MYCT1: variants seen among roughly 807,000 people sequenced by gnomAD.
MYCT1 encodes MYC target 1.
In MYCT1, 12 loss-of-function variants were observed where a neutral mutation model predicts 15.0. That is an observed-to-expected ratio of 0.80 (90% CI 0.51 to 1.29). The LOEUF is 1.29. Ranked by LOEUF, MYCT1 falls within the 50% of genes most tolerant of loss-of-function variation. MYCT1 has a pLI of 0.00. For synonymous variants in MYCT1, 104 were observed against 102.7 expected, an observed-to-expected ratio of 1.01 and a Z score of -0.07; for missense variants, 287 against 279.1, an observed-to-expected ratio of 1.03 and a Z score of -0.20.
chr6:152,725,478 G>A (rs1383016059), downstream of MYCT1, among the ~76,000 whole-genome samples: 1 of 152,162 alleles, frequency 6.6e-6, no homozygotes, highest in Non-Finnish European at 1.5e-5. Flanking sequence ...TAAAGACGGT[G>A]TTTTGCCAAG....
At chr6:152,720,605 G>C (rs562630683) in intron 1 of MYCT1, among the ~76,000 whole-genome samples, 1 of 152,186 alleles carries the variant, frequency 6.6e-6, no homozygotes. Context: ...TGAAGGTAGA[G>C]CTTGAAGAAT....
the MYCT1 span, among the ~76,000 whole-genome samples, chr6:152,733,887 T>C: frequency 6.6e-6 from 1 of 152,120 alleles, no homozygotes; most frequent in Non-Finnish European, 1.5e-5. Flanking sequence ...TTGCTTTTTC[T>C]TTTGCCATTT....
intron 1 of MYCT1, among the ~76,000 whole-genome samples, chr6:152,720,877 C>T (rs977729701): frequency 4.6e-5 from 7 of 152,192 alleles, no homozygotes; most frequent in Middle Eastern, 3.4e-3. Flanking sequence ...GACTCAGTTA[C>T]CTAGTTTCAT....
At position 152,722,443 on chromosome 6, in the gene MYCT1, C is replaced by A. The variant is rs761214603; in HGVS notation, c.*190C>A. The A allele has an allele frequency of 4.4e-5, 25 of 564,178 alleles. No homozygotes were observed. The highest frequency in any genetic ancestry group is 7.1e-5 in the Non-Finnish European group (24 of 335,680). The allele number at this position is 564,178 out of a possible 1,614,324, so 34.9% of individuals were successfully genotyped here. ...TTCAAACACGTTTTCCCTTTTGTTT[C>A]AAAAAATGTAATATTTTCCCCCAAG... is the stretch of plus-strand genomic sequence containing the variant. On this transcript the variant is annotated 3_prime_UTR_variant, in exon 2 of 2. Coordinates refer to ENST00000367245, the MANE Select transcript of MYCT1 (RefSeq NM_025107.3).
chr6:152,726,396 T>TAAAA (rs55634200), downstream of MYCT1, among the ~76,000 whole-genome samples: 10 of 127,688 alleles, frequency 7.8e-5, 1 homozygote, highest in Admixed American at 1.6e-4. Flanking sequence ...AAACTCTGTC[T>TAAAA]AAAAAAAAAA....
intron 1 of MYCT1, among the ~76,000 whole-genome samples, chr6:152,718,424 AT>A (rs1286948445): frequency 6.6e-6 from 1 of 151,780 alleles, no homozygotes; most frequent in Non-Finnish European, 1.5e-5. Context: ...TAATTAATTT[AT>A]TTTTACTTTT....
chr6:152,735,943 T>G, the MYCT1 span, among the ~76,000 whole-genome samples: 4 of 152,146 alleles, frequency 2.6e-5, no homozygotes, highest in Non-Finnish European at 5.9e-5. Context: ...TTTTATTTCT[T>G]TCCTCTTTGC....
In MYCT1 at chr6:152,721,950, C is replaced by A. The variant is rs1250554809; in HGVS notation, c.405C>A (p.Ser135Arg). ...FYRHSGCERR[S>R]NLSLASLTFQ... ...GCCACAGTGGCTGTGAACGTCGAAG[C>A]AACCTCAGCCTGGCCAGTCTCACCT... Residue 135 changes from serine (S) to arginine (R), a missense_variant, in exon 2 of 2, where the codon AGC (serine) becomes AGA (arginine). By Grantham distance (110) the Ser-to-Arg change is moderately radical (BLOSUM62 -1). Coordinates refer to ENST00000367245, the MANE Select transcript of MYCT1 (RefSeq NM_025107.3). The A allele has an allele frequency of 8.5e-5, 137 of 1,614,188 alleles. No homozygotes were observed. Among genetic ancestry groups the A allele is most frequent in the Non-Finnish European group, 1.1e-4 (134 of 1,180,030 alleles).
chr6:152,736,262 A>G, the MYCT1 span, among the ~76,000 whole-genome samples: 1 of 152,180 alleles, frequency 6.6e-6, no homozygotes. Flanking sequence ...TTTTATCATA[A>G]AAAGGATCCT....
the MYCT1 span, among the ~76,000 whole-genome samples, chr6:152,731,342 A>G: frequency 6.6e-6 from 1 of 152,168 alleles, no homozygotes; most frequent in Non-Finnish European, 1.5e-5. Flanking sequence ...TAGATTGTAC[A>G]TGGTAGCTCA....
At chr6:152,739,246 T>C in the MYCT1 span, among the ~76,000 whole-genome samples, 288 of 151,870 alleles carry the variant, frequency 1.9e-3, 1 homozygote, top group Middle Eastern at 0.011. Context: ...ATTAAAATAT[T>C]CTACAAGTAG....
chr6:152,725,152 G>A (rs1054369708), downstream of MYCT1, among the ~76,000 whole-genome samples: 1 of 140,980 alleles, frequency 7.1e-6, no homozygotes, highest in Admixed American at 7.6e-5. Context: ...TTCATTAAAA[G>A]ATAAATTTAT....
intron 1 of MYCT1, among the ~76,000 whole-genome samples, chr6:152,698,763 A>C (rs2099720842): frequency 6.6e-6 from 1 of 152,224 alleles, no homozygotes; most frequent in Non-Finnish European, 1.5e-5. Flanking sequence ...ATTCAATGGA[A>C]TCCTATCACA....
chr6:152,702,476 T>C (rs1432402787), intron 1 of MYCT1, among the ~76,000 whole-genome samples: 2 of 152,220 alleles, frequency 1.3e-5, no homozygotes, highest in East Asian at 3.8e-4. Flanking sequence ...GACTTAATTC[T>C]CTCTAAGGTA....
chr6:152,700,493 A>G (rs2099721124), intron 1 of MYCT1, among the ~76,000 whole-genome samples: 1 of 152,144 alleles, frequency 6.6e-6, no homozygotes, highest in Non-Finnish European at 1.5e-5. Context: ...ATTACCAAAA[A>G]CAATAGCTTG....
chr6:152,742,168 C>T, the MYCT1 span, among the ~76,000 whole-genome samples: 10 of 152,264 alleles, frequency 6.6e-5, no homozygotes, highest in South Asian at 2.1e-3. Context: ...ATCCAACATG[C>T]TCAGTGTTAG....
the MYCT1 span, among the ~76,000 whole-genome samples, chr6:152,746,881 G>A: frequency 1.3e-5 from 2 of 152,192 alleles, no homozygotes; most frequent in South Asian, 4.1e-4. Context: ...AAGTGGGACA[G>A]ATAACGAGGT....
chr6:152,722,393 A>G lies in MYCT1; in HGVS notation c.*140A>G. 1 of 803,872 alleles carries G rather than the reference A, an allele frequency of 1.2e-6. No individual in the cohort carries two copies. Among genetic ancestry groups the G allele is most frequent in the Non-Finnish European group, 1.9e-6 (1 of 525,864 alleles). The allele number at this position is 803,872 out of a possible 1,614,324, so 49.8% of individuals were successfully genotyped here. On this transcript the variant is annotated 3_prime_UTR_variant, in exon 2 of 2. Transcript: ENST00000367245. ...GTTGAAACATGGTTGTGCAAGTTGG[A>G]CATTACAATGTAAAACACATTTTCT... is the stretch of plus-strand genomic sequence containing the variant.
intron 1 of MYCT1, among the ~76,000 whole-genome samples, chr6:152,712,841 T>C (rs2099722987): frequency 6.6e-6 from 1 of 152,118 alleles, no homozygotes; most frequent in African/African-American, 2.4e-5. Flanking sequence ...TGTTCAAGTT[T>C]TTTTTGTTAA....
Sources: allele counts gnomAD v4.1 joint callset (sites outside exome capture counted in the v4.1 genomes callset), GRCh38; gene constraint gnomAD v4.1.1; transcripts MANE v1.5; gene names NCBI Gene and HGNC (gene_info 2026-07-23, HGNC 2026-07-21).